Variants in TGFBRAP1 observed in about 807,000 individuals in gnomAD.
TGFBRAP1 encodes transforming growth factor beta receptor associated protein 1, also known as transforming growth factor-beta receptor-associated protein 1.
A neutral mutation model predicts 83.2 loss-of-function variants in TGFBRAP1; 20 were observed. The ratio of observed to expected loss-of-function variants is 0.24; its 90% CI spans 0.17 to 0.35. The LOEUF (loss-of-function observed/expected upper bound fraction) is 0.35. TGFBRAP1 is among the 10% of genes least tolerant of loss of function. TGFBRAP1 has a pLI of 1.00. For synonymous variants in TGFBRAP1, 415 were observed against 459.8 expected, an observed-to-expected ratio of 0.90 and a Z score of 1.25; for missense variants, 950 against 1,099.4, an observed-to-expected ratio of 0.86 and a Z score of 1.92.
intron 10 of TGFBRAP1, among the ~76,000 whole-genome samples, chr2:105,272,383 C>A (rs1035985421): frequency 3.3e-5 from 5 of 152,194 alleles, no homozygotes; most frequent in Admixed American, 1.3e-4. Flanking sequence ...AGACTGAAGC[C>A]GTCAGAGGGA....
intron 4 of TGFBRAP1, among the ~76,000 whole-genome samples, chr2:105,286,280 G>A (rs545215447): frequency 6.6e-6 from 1 of 152,292 alleles, no homozygotes; most frequent in South Asian, 2.1e-4. Context: ...TGAAGCCCAG[G>A]ATGATACAGA....
In TGFBRAP1 at chr2:105,329,623, A is replaced by ACCGGCG. The variant is rs1435198158; in HGVS notation, c.-22_-18+1dup. The ACCGGCG allele has an allele frequency of 2.2e-5, 3 of 133,754 alleles. No individual in the cohort carries two copies. Among genetic ancestry groups the ACCGGCG allele is most frequent in the East Asian group, 2.3e-4 (1 of 4,394 alleles). The allele number at this position is 133,754 out of a possible 1,614,324, so 8.3% of individuals were successfully genotyped here. A position where few individuals can be genotyped will look rare whatever the true frequency, so the allele number is the denominator to read the frequency against. On this transcript the variant is annotated splice_donor_variant, in intron 1 of 11. Transcript: ENST00000393359. LOFTEE classifies it low-confidence loss of function (5UTR_SPLICE). ...CCGCGCCCCGCCGCCCTCCTCACTC[A>ACCGGCG]CCGGCGCCGGCGCCCGCCGTCCCGC...
rs771076407 is a variant in TGFBRAP1 at position 105,325,486 on chromosome 2, T to G, written c.-18+4139A>C. Among the ~76,000 whole-genome samples the G allele has an allele frequency of 3.7e-4, 56 of 152,162 alleles. 1 individual carries two copies. The highest frequency in any genetic ancestry group is 1.2e-3 in the African/African-American group (51 of 41,436). ...TCGTGACTCCAAGGCCATATTCTTA[T>G]TGATTGAGGGGAACAAGTATGATTT... On this transcript the variant is annotated intron_variant, in intron 1 of 11. Coordinates refer to ENST00000393359, the MANE Select transcript of TGFBRAP1 (RefSeq NM_004257.6).
intron 7 of TGFBRAP1, 76 bp downstream of exon 7, chr2:105,277,538 A>AT (rs534534270): frequency 0.012 from 17,823 of 1,476,042 alleles, 153 homozygotes; most frequent in Non-Finnish European, 0.013. Flanking sequence ...CAACTTGTGA[A>AT]TTTTTTTTAA....
At position 105,272,861 on chromosome 2, in the gene TGFBRAP1, G is replaced by T. The variant is rs373086147; in HGVS notation, c.1966C>A (p.Leu656Ile). The T allele has an allele frequency of 5.0e-6, 8 of 1,607,478 alleles. No homozygotes were observed. The African/African-American group carries it at 9.4e-5, about 19-fold the overall frequency. ...ATACTGAGATCATCCTCACCGAGAAGAAAGTGGACTCGGTATAAATCAGAT... is the reference window on the plus strand; with the variant it reads ...ATACTGAGATCATCCTCACCGAGAATAAAGTGGACTCGGTATAAATCAGAT... ...QKSDLYRVHF[L>I]LERLQGAGLP... The change falls in exon 10 of 12, where the codon CTT (leucine) becomes ATT (isoleucine). Residue 656 changes from leucine to isoleucine, a missense_variant. Transcript: ENST00000393359.
the TGFBRAP1 span, among the ~76,000 whole-genome samples, chr2:105,255,337 G>A: frequency 6.6e-6 from 1 of 151,384 alleles, no homozygotes; most frequent in Non-Finnish European, 1.5e-5. Flanking sequence ...TTTTTTCAGT[G>A]ACAGGGTCTC....
downstream of TGFBRAP1, among the ~76,000 whole-genome samples, chr2:105,262,568 G>T (rs1321832794): frequency 6.6e-6 from 1 of 152,184 alleles, no homozygotes; most frequent in African/African-American, 2.4e-5. Context: ...TGCAAAAATG[G>T]ACTGACGCAG....
intron 2 of TGFBRAP1, among the ~76,000 whole-genome samples, chr2:105,300,950 G>T (rs562206795): frequency 4.6e-5 from 7 of 152,092 alleles, no homozygotes; most frequent in African/African-American, 1.7e-4. Flanking sequence ...GAGGTTGGCC[G>T]CAGTGGCTCA....
chr2:105,306,087 A>T, intron 2 of TGFBRAP1, among the ~76,000 whole-genome samples: 1 of 135,762 alleles, frequency 7.4e-6, no homozygotes. Context: ...TTTTTGAGAC[A>T]GTTTCCCTCT....
chr2:105,307,980 C>T lies in TGFBRAP1; in HGVS notation c.322G>A (p.Glu108Lys), dbSNP rs1328249346. The T allele has an allele frequency of 3.1e-6, 5 of 1,614,182 alleles. No homozygotes were observed. Among genetic ancestry groups the T allele is most frequent in the African/African-American group, 2.7e-5 (2 of 75,038 alleles). Residue 108 changes from glutamate to lysine, a missense_variant, in exon 2 of 12, where the codon GAG becomes AAG. Transcript: ENST00000393359. ...SISLVNMLNL[E>K]PVPSGARIKG... ...ATGCGGGCCCCCGAAGGCACTGGCT[C>T]GAGGTTCAGCATGTTGACCAGGCTG...
intron 10 of TGFBRAP1, among the ~76,000 whole-genome samples, chr2:105,272,242 T>C (rs1677180488): frequency 6.6e-6 from 1 of 152,200 alleles, no homozygotes; most frequent in African/African-American, 2.4e-5. Flanking sequence ...TCTGTACCCC[T>C]GAGGAACAGA....
At chr2:105,285,814 T>C (rs1011424816) in intron 4 of TGFBRAP1, among the ~76,000 whole-genome samples, 10 of 152,230 alleles carry the variant, frequency 6.6e-5, no homozygotes, top group African/African-American at 2.4e-4. Flanking sequence ...CTTTCAGTTT[T>C]CCCTTTACCA....
At position 105,266,225 on chromosome 2, in the gene TGFBRAP1, G is replaced by A. The variant is rs1676927758; in HGVS notation, c.*1158C>T. ...ACATAAAGTGCTGGAGGGTGACACA[G>A]CCTGTCTGGATGTCCTCGGGAGGGT... On this transcript the variant is annotated 3_prime_UTR_variant, in exon 12 of 12. Transcript: ENST00000393359. 6.6e-6 allele frequency: 1 copy of A among 152,234 alleles called. No homozygotes were observed. The highest frequency in any genetic ancestry group is 2.1e-4 in the South Asian group (1 of 4,828). 9.4% of individuals were successfully genotyped at this position (152,234 alleles called of 1,614,324 possible).
At chr2:105,270,603 T>C (rs571113157) in intron 10 of TGFBRAP1, among the ~76,000 whole-genome samples, 2 of 152,352 alleles carry the variant, frequency 1.3e-5, no homozygotes, top group South Asian at 4.1e-4. Flanking sequence ...AATAATCAAA[T>C]TATAGGCATT....
chr2:105,258,863 A>G, the TGFBRAP1 span, among the ~76,000 whole-genome samples: 1 of 152,152 alleles, frequency 6.6e-6, no homozygotes, highest in African/African-American at 2.4e-5. Context: ...GCAGTGGGAA[A>G]AGCTGACCTT....
At chr2:105,299,324 A>G (rs1678202934) in intron 2 of TGFBRAP1, among the ~76,000 whole-genome samples, 1 of 152,100 alleles carries the variant, frequency 6.6e-6, no homozygotes, top group Non-Finnish European at 1.5e-5. Context: ...TTAAAAATAC[A>G]TTTCCATATA....
chr2:105,251,532 C>T, the TGFBRAP1 span, among the ~76,000 whole-genome samples: 2 of 149,512 alleles, frequency 1.3e-5, no homozygotes, highest in African/African-American at 2.5e-5. Context: ...GGGGATCAGC[C>T]CCCCGCCTGG....
chr2:105,303,887 A>T (rs1254743783), intron 2 of TGFBRAP1, among the ~76,000 whole-genome samples: 1 of 152,252 alleles, frequency 6.6e-6, no homozygotes, highest in South Asian at 2.1e-4. Context: ...GACACCATAC[A>T]TGAAACCATC....
At chr2:105,284,994 C>T (rs867791405) in intron 4 of TGFBRAP1, among the ~76,000 whole-genome samples, 65 of 152,316 alleles carry the variant, frequency 4.3e-4, no homozygotes, top group South Asian at 2.9e-3. Flanking sequence ...CTTGTTACAT[C>T]CAGCAATAGC....
Sources: allele counts gnomAD v4.1 joint callset (sites outside exome capture counted in the v4.1 genomes callset), GRCh38; gene constraint gnomAD v4.1.1; transcripts MANE v1.5; gene names NCBI Gene and HGNC (gene_info 2026-07-23, HGNC 2026-07-21).